The following ROBO2 variants were observed in gnomAD, a reference collection of about 807,000 sequenced individuals.
The protein encoded by ROBO2 is roundabout guidance receptor 2, also known as roundabout homolog 2.
ROBO2 carries 53 observed loss-of-function variants against 160.8 expected under a neutral mutation model. The observed-to-expected ratio is 0.33, with a 90% CI of 0.26 to 0.41. ROBO2 has a LOEUF of 0.41. ROBO2 is among the 10% of genes least tolerant of loss of function. The pLI is 1.00. For synonymous variants in ROBO2, 664 were observed against 611.7 expected, an observed-to-expected ratio of 1.09 and a Z score of -1.26; for missense variants, 1,577 against 1,722.4, an observed-to-expected ratio of 0.92 and a Z score of 1.49.
chr3:76,132,170 G>A (rs578022682), intron 2 of ROBO2, among the ~76,000 whole-genome samples: 1 of 152,198 alleles, frequency 6.6e-6, no homozygotes, highest in African/African-American at 2.4e-5. Context: ...AGAGGCACAT[G>A]GGGCAAAACC....
chr3:76,664,697 T>A (rs972274180), intron 2 of ROBO2, among the ~76,000 whole-genome samples: 1 of 152,176 alleles, frequency 6.6e-6, no homozygotes, highest in Non-Finnish European at 1.5e-5. Flanking sequence ...TGAGTCTTAT[T>A]TTTCTTTAAA....
intron 23 of ROBO2, chr3:77,632,820 C>G (rs1259570012): frequency 7.8e-6 from 4 of 514,244 alleles, no homozygotes; most frequent in African/African-American, 1.9e-5. Context: ...TCTTCTGATG[C>G]TAGTTTTGCA....
intron 2 of ROBO2, among the ~76,000 whole-genome samples, chr3:76,752,985 A>G (rs3883939): frequency 0.65 from 98,095 of 151,700 alleles, 31,872 homozygotes; most frequent in African/African-American, 0.7. Context: ...AATTAAACAA[A>G]TATGTTAATG....
intron 1 of ROBO2, among the ~76,000 whole-genome samples, chr3:75,912,829 A>G (rs538810975): frequency 2.3e-4 from 35 of 152,288 alleles, no homozygotes; most frequent in African/African-American, 8.2e-4. Context: ...TAATCCTGTG[A>G]TTGAGTTTAC....
intron 2 of ROBO2, among the ~76,000 whole-genome samples, chr3:77,266,027 C>G (rs576277910): frequency 6.6e-6 from 1 of 152,188 alleles, no homozygotes; most frequent in Non-Finnish European, 1.5e-5. Context: ...GTAAGATATG[C>G]AGAATCAGGA....
intron 2 of ROBO2, among the ~76,000 whole-genome samples, chr3:76,924,328 G>C (rs2076848563): frequency 6.6e-6 from 1 of 152,132 alleles, no homozygotes; most frequent in Non-Finnish European, 1.5e-5. Flanking sequence ...TCATGAATGA[G>C]ATTATTATTT....
chr3:77,133,782 T>G (rs2076051666), intron 2 of ROBO2, among the ~76,000 whole-genome samples: 1 of 152,216 alleles, frequency 6.6e-6, no homozygotes, highest in African/African-American at 2.4e-5. Context: ...ATAGTAATTT[T>G]TAGTGTCCTA....
intron 2 of ROBO2, among the ~76,000 whole-genome samples, chr3:76,285,375 A>T (rs1237974252): frequency 3.3e-5 from 5 of 152,134 alleles, no homozygotes; most frequent in Non-Finnish European, 7.4e-5. Context: ...GATTAACAGT[A>T]GTGAAAATTT....
intron 2 of ROBO2, among the ~76,000 whole-genome samples, chr3:76,458,087 G>A (rs1222392674): frequency 6.6e-6 from 1 of 152,160 alleles, no homozygotes; most frequent in Non-Finnish European, 1.5e-5. Context: ...TGCTACTTAT[G>A]CAAAGTTCTG....
chr3:77,266,456 A>G (rs2153346769), intron 2 of ROBO2, among the ~76,000 whole-genome samples: 1 of 152,202 alleles, frequency 6.6e-6, no homozygotes, highest in Admixed American at 6.6e-5. Flanking sequence ...CCTGCTGCTG[A>G]TGAGGGCTTC....
intron 2 of ROBO2, among the ~76,000 whole-genome samples, chr3:76,127,868 A>C (rs2071053722): frequency 6.6e-6 from 1 of 151,550 alleles, no homozygotes; most frequent in African/African-American, 2.4e-5. Flanking sequence ...ATCACTTCAA[A>C]GAACTGTATG....
rs150471451 is a variant in ROBO2 at position 76,190,894 on chromosome 3, C to T, written c.109+253292C>T. On this transcript the variant is annotated intron_variant, in intron 2 of 26. Coordinates refer to the ROBO2 transcript ENST00000487694. Reference sequence around the variant, plus strand: ...TATTTAGGTAGTTAATTTATTAGTTCGTTCATATGCCAGACTTGATGTTTT... The same window carrying T: ...TATTTAGGTAGTTAATTTATTAGTTTGTTCATATGCCAGACTTGATGTTTT... Among the ~76,000 whole-genome samples, 747 of 152,102 alleles carry T rather than the reference C, an allele frequency of 4.9e-3. 5 individuals carry two copies. Among genetic ancestry groups the T allele is most frequent in the Middle Eastern group, 0.014 (4 of 294 alleles).
At chr3:75,986,105 A>T (rs745906597) in intron 2 of ROBO2, among the ~76,000 whole-genome samples, 1 of 151,684 alleles carries the variant, frequency 6.6e-6, no homozygotes, top group Non-Finnish European at 1.5e-5. Context: ...AATCTTTTAA[A>T]GAACTGACGT....
At chr3:77,249,268 TTC>T (rs763540047) in intron 2 of ROBO2, among the ~76,000 whole-genome samples, 3 of 152,248 alleles carry the variant, frequency 2.0e-5, no homozygotes, top group Non-Finnish European at 4.4e-5. Context: ...TGATAAAATA[TTC>T]TGTTTTGTCT....
chr3:76,625,727 A>C (rs751435069), intron 2 of ROBO2, among the ~76,000 whole-genome samples: 11 of 152,202 alleles, frequency 7.2e-5, no homozygotes, highest in Non-Finnish European at 1.6e-4. Flanking sequence ...CAGCTGGCAA[A>C]TAAAAGGCAT....
At chr3:77,248,047 G>C (rs2151423811) in intron 2 of ROBO2, among the ~76,000 whole-genome samples, 1 of 152,172 alleles carries the variant, frequency 6.6e-6, no homozygotes, top group South Asian at 2.1e-4. Flanking sequence ...AGCTCAGCCA[G>C]CAGAGAGGAG....
intron 1 of ROBO2, among the ~76,000 whole-genome samples, chr3:77,056,148 A>G: frequency 6.6e-6 from 1 of 152,216 alleles, no homozygotes; most frequent in Non-Finnish European, 1.5e-5. Context: ...ACAACAAGAT[A>G]AAGTCCTCAG....
chr3:76,279,819 T>G (rs1708136646), intron 2 of ROBO2, among the ~76,000 whole-genome samples: 1 of 151,996 alleles, frequency 6.6e-6, no homozygotes, highest in African/African-American at 2.4e-5. Flanking sequence ...TTTGGCAATT[T>G]AATCTTGACT....
intron 2 of ROBO2, among the ~76,000 whole-genome samples, chr3:76,959,815 T>C (rs912429748): frequency 6.6e-6 from 1 of 152,104 alleles, no homozygotes; most frequent in African/African-American, 2.4e-5. Flanking sequence ...TAAAGGGAGT[T>C]GTTAGCTTGT....
Sources: allele counts gnomAD v4.1 joint callset (sites outside exome capture counted in the v4.1 genomes callset), GRCh38; gene constraint gnomAD v4.1.1; transcripts MANE v1.5; gene names NCBI Gene and HGNC (gene_info 2026-07-23, HGNC 2026-07-21).